The following ESPN variants were observed in gnomAD, a reference collection of about 807,000 sequenced individuals.
ESPN encodes autosomal recessive deafness type 36 protein.
ESPN carries 68 observed loss-of-function variants against 77.7 expected under a neutral mutation model. The ratio of observed to expected loss-of-function variants is 0.87; its 90% CI spans 0.72 to 1.07. The LOEUF (loss-of-function observed/expected upper bound fraction) is 1.07. Ranked by LOEUF, ESPN falls within the 50% of genes least tolerant of loss-of-function variation. The probability of loss-of-function intolerance (pLI) is 0.00; values close to 1 mark genes in which losing one functional copy is unlikely to be tolerated. For missense variants in ESPN, 1,060 were observed against 1,239.0 expected (o/e 0.86, Z 2.17); for synonymous variants, 449 against 567.1 (o/e 0.79, Z 2.96).
Position 6,424,987 on chromosome 1 carries a change from G to T in ESPN, c.32G>T (p.Arg11Leu). The T allele has an allele frequency of 2.7e-6, 4 of 1,458,946 alleles. No individual in the cohort carries two copies. The South Asian group carries it at 5.2e-5, about 19-fold the overall frequency. The allele number at this position is 1,458,946 out of a possible 1,614,324, so 90.4% of individuals were successfully genotyped here. A position where few individuals can be genotyped will look rare whatever the true frequency, so the allele number is the denominator to read the frequency against. Residue 11 changes from arginine (R) to leucine (L), a missense_variant, in exon 1 of 13, where the codon CGG becomes CTG. Around this residue, in one of 3 missense-constraint regions of ESPN, gnomAD observed 556 missense variants for 633.6 expected, o/e 0.88. Transcript: ENST00000645284. MALEQALQAARQGELDVLRSL... is the reference protein window; with the variant it reads MALEQALQAALQGELDVLRSL... ...CTGGAGCAGGCGCTGCAGGCGGCGC[G>T]GCAGGGCGAGCTGGACGTGCTGAGG... is the stretch of plus-strand genomic sequence containing the variant.
chr1:6,428,426 TCACC>T lies in ESPN; in HGVS notation c.488+9_488+12del. On this transcript the variant is annotated splice_region_variant and intron_variant, in intron 2 of 12. Transcript: ENST00000645284. This position sits in a 1 kb window ranked among gnomAD's most constrained non-coding sequence, Gnocchi z 5.4. ...TCGTCGAGCACTACCCTGAGTAAGATCACCCCTCTTAAGGGGTCCTCTGGGTGGG... is the reference window on the plus strand; with the variant it reads ...TCGTCGAGCACTACCCTGAGTAAGATCCTCTTAAGGGGTCCTCTGGGTGGG... The T allele has an allele frequency of 6.2e-7, 1 of 1,606,330 alleles. No homozygotes were observed. Among genetic ancestry groups the T allele is most frequent in the Non-Finnish European group, 8.5e-7 (1 of 1,174,950 alleles).
chr1:6,432,425 G>C (rs1643284527), intron 2 of ESPN, among the ~76,000 whole-genome samples: 1 of 152,312 alleles, frequency 6.6e-6, no homozygotes, highest in South Asian at 2.1e-4. Flanking sequence ...GGTGGCTGCT[G>C]TCCTTGACCC....
chr1:6,442,991 A>ATGT (rs1293315604), intron 5 of ESPN: 1 of 150,780 alleles, frequency 6.6e-6, no homozygotes, highest in African/African-American at 2.4e-5. Flanking sequence ...GGTCAACATG[A>ATGT]TGAAACCCCA....
intron 10 of ESPN, among the ~76,000 whole-genome samples, chr1:6,453,146 G>A (rs1362670552): frequency 6.6e-6 from 1 of 152,152 alleles, no homozygotes; most frequent in African/African-American, 2.4e-5. Context: ...CGCCTGCCTC[G>A]GCCTCCCAAA....
Position 6,424,834 on chromosome 1 carries a change from T to G in ESPN, c.-122T>G. 1.9e-6 allele frequency: 2 copies of G among 1,045,054 alleles called. No homozygotes were observed. The highest frequency in any genetic ancestry group is 3.0e-5 in the South Asian group (1 of 32,798). 64.7% of individuals were successfully genotyped at this position (1,045,054 alleles called of 1,614,324 possible). On this transcript the variant is annotated 5_prime_UTR_variant, in exon 1 of 13. Coordinates refer to ENST00000645284, the MANE Select transcript of ESPN (RefSeq NM_031475.3). Reference sequence around the variant, plus strand: ...GAGCGGAGGCCAGGCCCACAGCCGCTCCGCCTCCCGGCCCGCAGATCCCCG... The same window carrying G: ...GAGCGGAGGCCAGGCCCACAGCCGCGCCGCCTCCCGGCCCGCAGATCCCCG...
chr1:6,454,902 A>G, intron 10 of ESPN: 3 of 387,854 alleles, frequency 7.7e-6, no homozygotes, highest in Admixed American at 4.5e-5. Context: ...GCACTCGCTC[A>G]GCTGGTGCCG....
intron 12 of ESPN, 62 bp downstream of exon 12, chr1:6,457,434 C>A: frequency 1.2e-6 from 2 of 1,611,404 alleles, no homozygotes; most frequent in Non-Finnish European, 8.5e-7. Context: ...AGAGGGTCGT[C>A]CCTTCATCCA....
chr1:6,430,413 T>G, intron 2 of ESPN, among the ~76,000 whole-genome samples: 1 of 152,192 alleles, frequency 6.6e-6, no homozygotes, highest in Non-Finnish European at 1.5e-5. Context: ...GAAGCTCAGC[T>G]AATTCCAGGT....
intron 2 of ESPN, among the ~76,000 whole-genome samples, chr1:6,439,835 C>T (rs1156727057): frequency 6.6e-6 from 1 of 152,176 alleles, no homozygotes; most frequent in Non-Finnish European, 1.5e-5. Context: ...TGGTGAAACC[C>T]TGTCCCTACT....
chr1:6,439,485 A>G (rs1425979929), intron 2 of ESPN, among the ~76,000 whole-genome samples: 1 of 152,230 alleles, frequency 6.6e-6, no homozygotes, highest in African/African-American at 2.4e-5. Flanking sequence ...GTCATGCTCA[A>G]GTGGCCCTGG....
intron 1 of ESPN, among the ~76,000 whole-genome samples, chr1:6,426,577 C>T (rs1643043147): frequency 6.6e-6 from 1 of 152,176 alleles, no homozygotes; most frequent in South Asian, 2.1e-4. Context: ...CTCCTGGGGC[C>T]TGGACACCTG....
Position 6,452,043 on chromosome 1 carries a change from A to ATGGTGC in ESPN, c.2273_2278dup (p.Val759_Arg760insLeuVal). ...CATCCCCGAGTGGAAGCGCCAGGTG[A>ATGGTGC]TGGTGCGCAAGATGCAGCTGAAGAT... On this transcript the variant is annotated inframe_insertion, in exon 10 of 13. Transcript: ENST00000645284. 1 of 1,579,606 alleles carries ATGGTGC rather than the reference A, an allele frequency of 6.3e-7. No individual in the cohort carries two copies. The highest frequency in any genetic ancestry group is 8.6e-7 in the Non-Finnish European group (1 of 1,161,858).
In ESPN at chr1:6,444,442, G is replaced by T. The variant is rs1487364492; in HGVS notation, c.991-39G>T. 4 of 1,606,380 alleles carry T rather than the reference G, an allele frequency of 2.5e-6. No homozygotes were observed. In the East Asian group the frequency reaches 8.9e-5, roughly 36 times the overall value. ...TGGCCTGGAGAGCAACGCATCTTGGGGTATGGTTGTCTTCATGGCCTCCCT... is the reference window on the plus strand; with the variant it reads ...TGGCCTGGAGAGCAACGCATCTTGGTGTATGGTTGTCTTCATGGCCTCCCT... On this transcript the variant is annotated intron_variant, in intron 5 of 12. Coordinates refer to ENST00000645284, the MANE Select transcript of ESPN (RefSeq NM_031475.3).
chr1:6,445,556 G>A lies in ESPN; in HGVS notation c.1193-108G>A, dbSNP rs1370359450. 3.1e-6 allele frequency: 4 copies of A among 1,276,590 alleles called. No homozygotes were observed. The African/African-American group carries it at 4.4e-5, about 14-fold the overall frequency. 79.1% of individuals were successfully genotyped at this position (1,276,590 alleles called of 1,614,324 possible). A position where few individuals can be genotyped will look rare whatever the true frequency, so the allele number is the denominator to read the frequency against. ...GCAGGTGTACCAAGTGGTGCCCGGA[G>A]CCCACCTTGCCCCTCGGCAAGTTGT... On this transcript the variant is annotated intron_variant, in intron 6 of 12. Transcript: ENST00000645284.
rs1213148862 is a variant in ESPN, at chr1:6,428,202, C to G, written c.295-24C>G. On this transcript the variant is annotated intron_variant, in intron 1 of 12. Coordinates refer to ENST00000645284, the MANE Select transcript of ESPN (RefSeq NM_031475.3). The surrounding 1 kb of genome is among the most constrained non-coding windows in gnomAD (Gnocchi z 5.4). ...GGCGGGGCAGCAACAGGCTTTAGGA[C>G]TTGAACCAGCTCTCCTCCCACAGGA... is the stretch of plus-strand genomic sequence containing the variant. The G allele has an allele frequency of 2.5e-6, 4 of 1,613,182 alleles. No homozygotes were observed. Among genetic ancestry groups the G allele is most frequent in the Non-Finnish European group, 3.4e-6 (4 of 1,179,806 alleles).
rs548583002 is a variant in ESPN, at chr1:6,451,947, A to G, written c.2176A>G (p.Thr726Ala). ...LNGSLVPVPP[T>A]TPAPGVQLDV... ...TGGAAGCTTGGTTCCCGTGCCGCCCACTACTCCTGCGCCGGGAGTGCAGCT... is the reference window on the plus strand; with the variant it reads ...TGGAAGCTTGGTTCCCGTGCCGCCCGCTACTCCTGCGCCGGGAGTGCAGCT... Residue 726 changes from threonine to alanine, a missense_variant, in exon 10 of 13, where the codon ACT becomes GCT. Around this residue, in one of 3 missense-constraint regions of ESPN, gnomAD observed 374 missense variants for 381.4 expected, o/e 0.98. Coordinates refer to ENST00000645284, the MANE Select transcript of ESPN (RefSeq NM_031475.3). This position sits in a 1 kb window ranked among gnomAD's most constrained non-coding sequence, Gnocchi z 4.3. The G allele has an allele frequency of 1.2e-5, 19 of 1,610,836 alleles. No individual in the cohort carries two copies. The highest frequency in any genetic ancestry group is 5.1e-6 in the Non-Finnish European group (6 of 1,178,840).
At chr1:6,438,145 G>C (rs1557700074) in intron 2 of ESPN, among the ~76,000 whole-genome samples, 1 of 152,140 alleles carries the variant, frequency 6.6e-6, no homozygotes, top group African/African-American at 2.4e-5. Context: ...AACCCAATAG[G>C]TCGCGGCCCC....
At position 6,425,268 on chromosome 1, in the gene ESPN, C is replaced by T. The variant is rs1418266470; in HGVS notation, c.294+19C>T. ...AGTGCAGGTGGGTCCGCGCGGTTCGCCAGGGGCACTGAGGCTTCCTCCTCA... is the reference window on the plus strand; with the variant it reads ...AGTGCAGGTGGGTCCGCGCGGTTCGTCAGGGGCACTGAGGCTTCCTCCTCA... On this transcript the variant is annotated intron_variant, in intron 1 of 12. Coordinates refer to ENST00000645284, the MANE Select transcript of ESPN (RefSeq NM_031475.3). 6 of 1,566,338 alleles carry T rather than the reference C, an allele frequency of 3.8e-6. No homozygotes were observed. Among genetic ancestry groups the T allele is most frequent in the South Asian group, 1.2e-5 (1 of 86,800 alleles).
intron 5 of ESPN, among the ~76,000 whole-genome samples, chr1:6,441,864 C>A (rs535531484): frequency 3.9e-5 from 6 of 152,206 alleles, no homozygotes; most frequent in Admixed American, 2.6e-4. Flanking sequence ...TGCCCTCCCC[C>A]CCCCAGCACA....
Sources: gnomAD v4.1 joint callset for allele counts (sites outside exome capture counted in the v4.1 genomes callset) on GRCh38, gnomAD v4.1.1 for gene constraint, gnomAD v4.1.1 regional missense constraint, Gnocchi (gnomAD v3.1) non-coding constraint, MANE v1.5 for transcripts, NCBI Gene and HGNC (gene_info 2026-07-23, HGNC 2026-07-21) for gene names.